The following PNPLA1 variants were observed in gnomAD, a reference collection of about 807,000 sequenced individuals.
The protein encoded by PNPLA1 is patatin like domain 1, omega-hydroxyceramide transacylase, also known as omega-hydroxyceramide transacylase.
Under a neutral mutation model 51.7 loss-of-function variants are expected in PNPLA1, and 36 were observed. The observed-to-expected ratio is 0.70, with a 90% CI of 0.53 to 0.92. The LOEUF (loss-of-function observed/expected upper bound fraction) is 0.92, where lower values mean the gene tolerates loss of function less well. Among genes scored for constraint, PNPLA1 ranks in the 40% least tolerant of loss-of-function variants. PNPLA1 has a pLI of 0.00. For missense variants in PNPLA1, 658 were observed against 682.5 expected (o/e 0.96, Z 0.40); for synonymous variants, 293 against 280.1 (o/e 1.05, Z -0.46).
intron 6 of PNPLA1, among the ~76,000 whole-genome samples, chr6:36,303,507 C>G (rs748321387): frequency 1.9e-4 from 29 of 152,196 alleles, no homozygotes; most frequent in Non-Finnish European, 3.8e-4. Flanking sequence ...TCCCTTTCAG[C>G]AGAGGAGATA....
rs1770835012 is a variant in PNPLA1, at chr6:36,295,566, TG to T, written c.775+146del. 4.5e-5 allele frequency: 41 copies of T among 904,036 alleles called. No homozygotes were observed. The South Asian group carries it at 5.9e-4, about 13-fold the overall frequency. 56.0% of individuals were successfully genotyped at this position (904,036 alleles called of 1,614,324 possible). A position where few individuals can be genotyped will look rare whatever the true frequency, so the allele number is the denominator to read the frequency against. ...CACCTGGGAGAGCTGGAAATGGGGG[TG>T]GGGACCTAACAGGCTGCATCGCCCA... On this transcript the variant is annotated intron_variant, in intron 5 of 8. Coordinates refer to ENST00000636260, the MANE Select transcript of PNPLA1 (RefSeq NM_001374623.1).
At chr6:36,271,832 A>C (rs914746858) in intron 1 of PNPLA1, among the ~76,000 whole-genome samples, 3 of 152,190 alleles carry the variant, frequency 2.0e-5, no homozygotes, top group Non-Finnish European at 4.4e-5. Flanking sequence ...CTGTGACAGC[A>C]AGTGGGGAGG....
intron 1 of PNPLA1, among the ~76,000 whole-genome samples, chr6:36,253,362 C>T (rs898884032): frequency 6.6e-6 from 1 of 152,156 alleles, no homozygotes; most frequent in Non-Finnish European, 1.5e-5. Context: ...TAAAATAATG[C>T]GGTGAGCTCT....
chr6:36,311,897 CA>C lies in PNPLA1; in HGVS notation c.*12del, dbSNP rs1771416162. 1 of 152,670 alleles carries C rather than the reference CA, an allele frequency of 6.6e-6. No homozygotes were observed. The highest frequency in any genetic ancestry group is 6.5e-5 in the Admixed American group (1 of 15,272). 9.5% of individuals were successfully genotyped at this position (152,670 alleles called of 1,614,324 possible). A position where few individuals can be genotyped will look rare whatever the true frequency, so the allele number is the denominator to read the frequency against. ...AATTCCTTAGGATGACCTTGGAAGG[CA>C]GATACTGCCTGTCCTGTTCTGGGAT... On this transcript the variant is annotated 3_prime_UTR_variant, in exon 9 of 9. Transcript: ENST00000636260.
chr6:36,300,349 T>C (rs367860267), intron 5 of PNPLA1, among the ~76,000 whole-genome samples: 1 of 152,052 alleles, frequency 6.6e-6, no homozygotes, highest in East Asian at 1.9e-4. Flanking sequence ...TGCATGCCAC[T>C]ACCCCCGGCT....
At chr6:36,257,279 A>G (rs909621694) in intron 1 of PNPLA1, among the ~76,000 whole-genome samples, 2 of 152,220 alleles carry the variant, frequency 1.3e-5, no homozygotes, top group Non-Finnish European at 2.9e-5. Flanking sequence ...TCATGTTAGT[A>G]ACATAAAATC....
chr6:36,294,058 C>A lies in PNPLA1; in HGVS notation c.505-132C>A. ...CAGGACCTCCGTCTCCAGGCTTATC[C>A]TGAGGGGTCTTCTGGATCTTCCTTG... is the stretch of plus-strand genomic sequence containing the variant. On this transcript the variant is annotated intron_variant, in intron 3 of 8. Coordinates refer to ENST00000636260, the MANE Select transcript of PNPLA1 (RefSeq NM_001374623.1). This position sits in a 1 kb window ranked among gnomAD's most constrained non-coding sequence, Gnocchi z 4.2. 9.3e-7 allele frequency: 1 copy of A among 1,077,572 alleles called. No homozygotes were observed. The highest frequency in any genetic ancestry group is 1.3e-6 in the Non-Finnish European group (1 of 747,182). 66.8% of individuals were successfully genotyped at this position (1,077,572 alleles called of 1,614,324 possible).
intron 1 of PNPLA1, among the ~76,000 whole-genome samples, chr6:36,271,672 A>G (rs1298334848): frequency 6.6e-6 from 1 of 152,234 alleles, no homozygotes; most frequent in Non-Finnish European, 1.5e-5. Flanking sequence ...AGAACAAGCT[A>G]CTGGGAGCTC....
chr6:36,278,153 T>C (rs1409154929), intron 1 of PNPLA1, among the ~76,000 whole-genome samples: 1 of 152,214 alleles, frequency 6.6e-6, no homozygotes, highest in African/African-American at 2.4e-5. Context: ...CCACATATTC[T>C]AGCATTTGAT....
chr6:36,313,107 A>G lies in PNPLA1; in HGVS notation c.*1221A>G, dbSNP rs2127358935. On this transcript the variant is annotated 3_prime_UTR_variant, in exon 9 of 9. Transcript: ENST00000636260. ...TTGAGATCTTTAGAGCTCCCCCGGG[A>G]TTATGTGGTGCTGTGGTGTTGAGAC... Among the ~76,000 whole-genome samples the G allele has an allele frequency of 6.6e-6, 1 of 152,124 alleles. No homozygotes were observed. The highest frequency in any genetic ancestry group is 2.1e-4 in the South Asian group (1 of 4,806).
rs1284972144 is a variant in PNPLA1 at position 36,294,131 on chromosome 6, C to A, written c.505-59C>A. ...ATATCCCATGGGCCATTTCGATGTA[C>A]CCCGAGTGGGGCTGAGAACTCTGGC... On this transcript the variant is annotated intron_variant, in intron 3 of 8. Transcript: ENST00000636260. This position sits in a 1 kb window ranked among gnomAD's most constrained non-coding sequence, Gnocchi z 4.2. 3 of 1,590,650 alleles carry A rather than the reference C, an allele frequency of 1.9e-6. No individual in the cohort carries two copies. Among genetic ancestry groups the A allele is most frequent in the Admixed American group, 3.4e-5 (2 of 58,736 alleles).
At chr6:36,249,542 G>A (rs1769377267) in intron 1 of PNPLA1, among the ~76,000 whole-genome samples, 1 of 152,220 alleles carries the variant, frequency 6.6e-6, no homozygotes, top group Admixed American at 6.5e-5. Context: ...TGGGTGTTGG[G>A]ACTCGTAGGT....
chr6:36,247,486 G>A (rs1769318069), intron 1 of PNPLA1, among the ~76,000 whole-genome samples: 1 of 152,234 alleles, frequency 6.6e-6, no homozygotes, highest in Non-Finnish European at 1.5e-5. Flanking sequence ...CAGGGGCTAT[G>A]TCCCTGCTGC....
chr6:36,251,758 T>C (rs1769425177), intron 1 of PNPLA1, among the ~76,000 whole-genome samples: 1 of 151,838 alleles, frequency 6.6e-6, no homozygotes, highest in Non-Finnish European at 1.5e-5. Context: ...GGCAACATAG[T>C]GAGAGACCCG....
At chr6:36,248,591 G>A (rs1237706921) in intron 1 of PNPLA1, among the ~76,000 whole-genome samples, 2 of 150,916 alleles carry the variant, frequency 1.3e-5, no homozygotes, top group East Asian at 1.9e-4. Flanking sequence ...GCACGATCTC[G>A]GCTCACTGCA....
At chr6:36,288,538 C>T (rs1023430265) in intron 1 of PNPLA1, among the ~76,000 whole-genome samples, 2 of 150,750 alleles carry the variant, frequency 1.3e-5, no homozygotes, top group Non-Finnish European at 3.0e-5. Context: ...CTGCAAGCTC[C>T]GCTTCCCGGG....
At chr6:36,256,011 T>G (rs1376645320) in intron 1 of PNPLA1, among the ~76,000 whole-genome samples, 1 of 152,154 alleles carries the variant, frequency 6.6e-6, no homozygotes, top group Non-Finnish European at 1.5e-5. Flanking sequence ...TTTCTAACGG[T>G]AGGTTCCTAG....
Position 36,302,060 on chromosome 6 carries a change from T to A in PNPLA1, c.975T>A (p.Gly325=). 6.2e-7 allele frequency: 1 copy of A among 1,614,184 alleles called. No homozygotes were observed. Among genetic ancestry groups the A allele is most frequent in the East Asian group, 2.2e-5 (1 of 44,884 alleles). ...VPKGDGRGSH[G]PPVSQPVQTL... is the part of the protein sequence containing the mutation. Reference sequence around the variant, plus strand: ...AAGGGGATGGAAGGGGCAGCCATGGTCCGCCTGTGTCCCAACCTGTGCAGA... The same window carrying A: ...AAGGGGATGGAAGGGGCAGCCATGGACCGCCTGTGTCCCAACCTGTGCAGA... Residue 325 remains glycine, a synonymous_variant, in exon 6 of 9, where the codon GGT becomes GGA. Transcript: ENST00000636260.
intron 1 of PNPLA1, among the ~76,000 whole-genome samples, chr6:36,247,095 A>C (rs1769306649): frequency 6.6e-6 from 1 of 150,756 alleles, no homozygotes; most frequent in African/African-American, 2.4e-5. Context: ...CAGTTCTTTG[A>C]CCTCCTCTCC....
Sources: allele counts gnomAD v4.1 joint callset (sites outside exome capture counted in the v4.1 genomes callset), GRCh38; gene constraint gnomAD v4.1.1; non-coding constraint Gnocchi (gnomAD v3.1); transcripts MANE v1.5; gene names NCBI Gene and HGNC (gene_info 2026-07-23, HGNC 2026-07-21).